PCDH11X: variants seen among roughly 807,000 people sequenced by gnomAD.
PCDH11X encodes the protein protocadherin 11 X-linked.
Under a neutral mutation model 53.3 loss-of-function variants are expected in PCDH11X, and 18 were observed. The ratio of observed to expected loss-of-function variants is 0.34; its 90% confidence interval spans 0.23 to 0.50. The LOEUF (loss-of-function observed/expected upper bound fraction) is 0.50, where lower values mean the gene tolerates loss of function less well. Ranked by LOEUF, PCDH11X falls within the 20% of genes least tolerant of loss-of-function variation. The pLI, the probability that PCDH11X is intolerant of heterozygous loss-of-function variation, is 0.98. For synonymous variants in PCDH11X, 279 were observed against 393.3 expected (o/e 0.71, Z 3.44); for missense variants, 570 against 1,032.4 (o/e 0.55, Z 6.14).
chrX:92,487,448 T>C (rs192552926), intron 10 of PCDH11X, among the ~76,000 whole-genome samples: 1,441 of 111,352 alleles, frequency 0.013, 17 homozygotes, highest in Non-Finnish European at 0.021. Flanking sequence ...GTCATCCTAT[T>C]GTTCAGTTAA....
intron 7 of PCDH11X, among the ~76,000 whole-genome samples, chrX:92,232,701 G>A (rs181730061): frequency 8.9e-6 from 1 of 111,830 alleles, no homozygotes; most frequent in African/African-American, 3.2e-5. Flanking sequence ...CTTCAGATAT[G>A]CCCTAAATAT....
chrX:92,398,316 G>C (rs867376223), intron 9 of PCDH11X, among the ~76,000 whole-genome samples: 3 of 111,130 alleles, frequency 2.7e-5, no homozygotes, highest in African/African-American at 9.8e-5. Context: ...ACTCAATACA[G>C]GGTAAAAACA....
intron 6 of PCDH11X, among the ~76,000 whole-genome samples, chrX:92,194,505 A>G (rs2066257587): frequency 1.8e-5 from 2 of 111,449 alleles, no homozygotes. Flanking sequence ...AAATATACGC[A>G]GAATTATAGT....
At chrX:92,099,902 C>T (rs2064208052) in intron 6 of PCDH11X, among the ~76,000 whole-genome samples, 1 of 110,882 alleles carries the variant, frequency 9.0e-6, no homozygotes, top group Non-Finnish European at 1.9e-5. Context: ...TCAATAATTT[C>T]TCTGAAAATC....
At chrX:91,909,990 T>C (rs1287610531) in intron 6 of PCDH11X, among the ~76,000 whole-genome samples, 1 of 111,690 alleles carries the variant, frequency 9.0e-6, no homozygotes, top group East Asian at 2.8e-4. Flanking sequence ...ATAGTCATCA[T>C]GTTGTACGTT....
intron 6 of PCDH11X, among the ~76,000 whole-genome samples, chrX:92,185,150 G>A (rs918182797): frequency 9.0e-6 from 1 of 110,790 alleles, no homozygotes; most frequent in Non-Finnish European, 1.9e-5. Flanking sequence ...GGGGGCTAAG[G>A]CAGGAGAATC....
At chrX:92,588,380 A>ATATATG (rs1284956177) in intron 10 of PCDH11X, among the ~76,000 whole-genome samples, 1 of 105,715 alleles carries the variant, frequency 9.5e-6, no homozygotes, top group African/African-American at 3.5e-5. Flanking sequence ...GTGTATATAT[A>ATATATG]TATATATATA....
chrX:92,545,327 C>T (rs187217543), intron 10 of PCDH11X, among the ~76,000 whole-genome samples: 3 of 104,745 alleles, frequency 2.9e-5, no homozygotes, highest in African/African-American at 1.0e-4. Context: ...TGTAGTCTAT[C>T]AAATAAGGAG....
intron 4 of PCDH11X, among the ~76,000 whole-genome samples, chrX:91,824,960 G>A (rs1447965709): frequency 9.2e-6 from 1 of 109,196 alleles, no homozygotes. Flanking sequence ...TGCCCCTGCT[G>A]GGGGGTGCCT....
chrX:92,602,772 C>A (rs935555712), intron 10 of PCDH11X, among the ~76,000 whole-genome samples: 6 of 90,762 alleles, frequency 6.6e-5, no homozygotes, highest in Non-Finnish European at 1.0e-4. Context: ...AATCAAGTCC[C>A]AGAGAGGGTA....
intron 10 of PCDH11X, among the ~76,000 whole-genome samples, chrX:92,525,273 T>C (rs1284550599): frequency 1.8e-5 from 2 of 111,319 alleles, no homozygotes; most frequent in Non-Finnish European, 3.8e-5. Context: ...GTAAAGAAGA[T>C]AAAAATAATT....
intron 6 of PCDH11X, among the ~76,000 whole-genome samples, chrX:92,185,943 A>T (rs2066085188): frequency 8.9e-6 from 1 of 111,806 alleles, no homozygotes; most frequent in Non-Finnish European, 1.9e-5. Flanking sequence ...TATGGAAAAC[A>T]GTTTGGAGGT....
At chrX:92,221,278 A>AACACACACAC (rs58264678) in intron 7 of PCDH11X, among the ~76,000 whole-genome samples, 8 of 88,035 alleles carry the variant, frequency 9.1e-5, no homozygotes, top group African/African-American at 3.5e-4. Flanking sequence ...CATTGTATAC[A>AACACACACAC]ACACACACAC....
At chrX:92,334,996 C>T (rs1489920351) in intron 8 of PCDH11X, among the ~76,000 whole-genome samples, 1 of 109,483 alleles carries the variant, frequency 9.1e-6, no homozygotes, top group African/African-American at 3.3e-5. Flanking sequence ...GGCTGGTTCC[C>T]CTTACCCTTG....
intron 10 of PCDH11X, among the ~76,000 whole-genome samples, chrX:92,506,216 C>CTTTTTTCTTTTTT (rs2074055575): frequency 3.7e-4 from 15 of 40,195 alleles, no homozygotes; most frequent in East Asian, 9.4e-4. Flanking sequence ...CTTTTCTTTT[C>CTTTTTTCTTTTTT]TTTTTTTTTT....
chrX:92,102,923 G>C (rs2064291664), intron 6 of PCDH11X, among the ~76,000 whole-genome samples: 1 of 111,710 alleles, frequency 9.0e-6, no homozygotes, highest in Non-Finnish European at 1.9e-5. Context: ...GCTTTAAAAG[G>C]CCATGCTGTA....
At chrX:92,089,461 A>T (rs751329576) in intron 6 of PCDH11X, among the ~76,000 whole-genome samples, 1 of 112,336 alleles carries the variant, frequency 8.9e-6, no homozygotes, top group Non-Finnish European at 1.9e-5. Context: ...ATAAAATAAA[A>T]ACCCACATTC....
intron 10 of PCDH11X, among the ~76,000 whole-genome samples, chrX:92,532,799 G>A (rs1216668772): frequency 9.0e-6 from 1 of 111,304 alleles, no homozygotes; most frequent in Non-Finnish European, 1.9e-5. Flanking sequence ...GTCTAATTGG[G>A]TTCACAATTC....
intron 6 of PCDH11X, among the ~76,000 whole-genome samples, chrX:92,103,437 T>C (rs1331732405): frequency 9.0e-6 from 1 of 110,970 alleles, no homozygotes; most frequent in African/African-American, 3.3e-5. Flanking sequence ...TACCCTCCAC[T>C]GTGAGTTACC....
Sources: gnomAD v4.1 joint callset for allele counts (sites outside exome capture counted in the v4.1 genomes callset) on GRCh38, gnomAD v4.1.1 for gene constraint, MANE v1.5 for transcripts, NCBI Gene and HGNC (gene_info 2026-07-23, HGNC 2026-07-21) for gene names.